CFAP73: variants seen among roughly 807,000 people sequenced by gnomAD.
The protein encoded by CFAP73 is cilia- and flagella-associated protein 73.
Under a neutral mutation model 42.9 loss-of-function variants are expected in CFAP73, and 33 were observed. The ratio of observed to expected loss-of-function variants is 0.77; its 90% confidence interval spans 0.58 to 1.03. CFAP73 has a LOEUF of 1.03. Among genes scored for constraint, CFAP73 ranks in the 50% least tolerant of loss-of-function variants. The pLI, the probability that CFAP73 is intolerant of heterozygous loss-of-function variation, is 0.00. For missense variants in CFAP73, 392 were observed against 411.9 expected (o/e 0.95, Z 0.42); for synonymous variants, 162 against 186.8 (o/e 0.87, Z 1.08).
chr12:113,152,780 C>G lies in CFAP73; in HGVS notation c.163-3C>G. 1.3e-6 allele frequency: 2 copies of G among 1,550,944 alleles called. No individual in the cohort carries two copies. The highest frequency in any genetic ancestry group is 1.7e-6 in the Non-Finnish European group (2 of 1,146,356). ...ACACAGACAACCCACTCCTCACCCC[C>G]AGGTGTTCCGCACCAAGACGGCAGC... On this transcript the variant is annotated splice_polypyrimidine_tract_variant and splice_region_variant and intron_variant, in intron 2 of 7. Coordinates refer to ENST00000335621, the MANE Select transcript of CFAP73 (RefSeq NM_001144872.3).
At chr12:113,153,073 G>A in intron 3 of CFAP73, 135 bp from the exon 4 acceptor site, 1 of 1,015,552 alleles carries the variant, frequency 9.8e-7, no homozygotes, top group African/African-American at 1.6e-5. Flanking sequence ...GGAGTTGGGT[G>A]AAGAGCCAGC....
chr12:113,157,465 A>G, intron 6 of CFAP73, 137 bp from the exon 7 acceptor site: 1 of 703,582 alleles, frequency 1.4e-6, no homozygotes, highest in Admixed American at 2.4e-5. Flanking sequence ...ACCTCTGGGA[A>G]CCACCATCAT....
chr12:113,151,843 T>A, intron 1 of CFAP73, 75 bp from the exon 2 acceptor site: 4 of 992,650 alleles, frequency 4.0e-6, no homozygotes, highest in Non-Finnish European at 4.5e-6. Flanking sequence ...AATGGGGCAC[T>A]CCAGACACAG....
intron 1 of CFAP73, among the ~76,000 whole-genome samples, chr12:113,151,067 C>T (rs1290084270): frequency 2.0e-5 from 3 of 152,020 alleles, no homozygotes; most frequent in African/African-American, 7.3e-5. Flanking sequence ...TTCTGTGGCT[C>T]CCAGAACAAT....
chr12:113,157,324 T>A (rs752853570), intron 6 of CFAP73: 1 of 476,900 alleles, frequency 2.1e-6, no homozygotes, highest in Non-Finnish European at 3.8e-6. Flanking sequence ...CTGATTGATG[T>A]AAATGAAAAT....
chr12:113,157,447 C>T (rs1952141824), intron 6 of CFAP73, 155 bp from the exon 7 acceptor site: 2 of 650,730 alleles, frequency 3.1e-6, no homozygotes. Flanking sequence ...TTTAGGATCT[C>T]AGTCACCACC....
At position 113,154,647 on chromosome 12, in the gene CFAP73, C is replaced by T. The variant is rs547786243; in HGVS notation, c.690+12C>T. The T allele has an allele frequency of 4.0e-5, 55 of 1,387,986 alleles. No homozygotes were observed. The highest frequency in any genetic ancestry group is 3.8e-4 in the African/African-American group (25 of 65,340). The allele number at this position is 1,387,986 out of a possible 1,614,324, so 86.0% of individuals were successfully genotyped here. ...GTACGCTGCAGTGGGTACGACCCGC[C>T]CTAGGTGGGGGGCGCTCCGGACCCC... On this transcript the variant is annotated intron_variant, in intron 5 of 7. Coordinates refer to ENST00000335621, the MANE Select transcript of CFAP73 (RefSeq NM_001144872.3). The surrounding 1 kb of genome is among the most constrained non-coding windows in gnomAD (Gnocchi z 4.7).
intron 6 of CFAP73, among the ~76,000 whole-genome samples, chr12:113,156,136 T>A (rs185439058): frequency 6.6e-6 from 1 of 152,086 alleles, no homozygotes; most frequent in Non-Finnish European, 1.5e-5. Flanking sequence ...GCCAGGCTGG[T>A]CTCGAAATCC....
Position 113,159,076 on chromosome 12 carries a change from G to A in CFAP73, c.*387G>A, listed in dbSNP as rs1046189400. ...CTTGAGTTCCGGGCGGACTCGGCCT[G>A]CAGGGGTGCCTGGGGCGTGGGGCCG... On this transcript the variant is annotated 3_prime_UTR_variant, in exon 8 of 8. Coordinates refer to ENST00000335621, the MANE Select transcript of CFAP73 (RefSeq NM_001144872.3). The A allele has an allele frequency of 2.5e-6, 4 of 1,607,272 alleles. No individual in the cohort carries two copies. In the African/African-American group the frequency reaches 5.3e-5, roughly 21 times the overall value.
chr12:113,154,752 G>A lies in CFAP73; in HGVS notation c.690+117G>A. The A allele has an allele frequency of 7.5e-7, 1 of 1,340,690 alleles. No individual in the cohort carries two copies. The allele number at this position is 1,340,690 out of a possible 1,614,324, so 83.0% of individuals were successfully genotyped here. A position where few individuals can be genotyped will look rare whatever the true frequency, so the allele number is the denominator to read the frequency against. On this transcript the variant is annotated intron_variant, in intron 5 of 7. Coordinates refer to ENST00000335621, the MANE Select transcript of CFAP73 (RefSeq NM_001144872.3). The surrounding 1 kb of genome is among the most constrained non-coding windows in gnomAD (Gnocchi z 4.7). ...CAATGCTTACCCCAGAGGGTCCGCT[G>A]CACTAAGGAGGGGAATCTCAGGCAT...
chr12:113,153,390 G>T lies in CFAP73; in HGVS notation c.450G>T (p.Ala150=). The T allele has an allele frequency of 3.5e-6, 5 of 1,447,272 alleles. No homozygotes were observed. The highest frequency in any genetic ancestry group is 4.5e-6 in the Non-Finnish European group (5 of 1,106,756). 89.7% of individuals were successfully genotyped at this position (1,447,272 alleles called of 1,614,324 possible). The change falls in exon 4 of 8, where the codon GCG becomes GCT. Residue 150 remains alanine, a synonymous_variant. Transcript: ENST00000335621. ...LEPCARLLEQ[A]LELLPGFQEV... is the part of the protein sequence containing the mutation. ...CCTGCGCGCGCCTGCTGGAGCAAGC[G>T]CTGGAGCTGCTGCCCGGGGTGAGTC...
At chr12:113,156,676 G>C (rs760389882) in intron 6 of CFAP73, 2 of 152,162 alleles carry the variant, frequency 1.3e-5, no homozygotes, top group Non-Finnish European at 2.9e-5. Flanking sequence ...CGATGCCACT[G>C]TTCTTCCAAG....
chr12:113,153,554 T>C, intron 4 of CFAP73, 146 bp downstream of exon 4: 1 of 662,772 alleles, frequency 1.5e-6, no homozygotes, highest in Non-Finnish European at 2.3e-6. Flanking sequence ...TATGGAGCGC[T>C]CACTGTAAGC....
chr12:113,151,758 G>A (rs573979259), intron 1 of CFAP73, among the ~76,000 whole-genome samples, 160 bp from the exon 2 acceptor site: 12 of 150,192 alleles, frequency 8.0e-5, no homozygotes, highest in Middle Eastern at 3.4e-3. Context: ...CTGCACTCCA[G>A]CCTGGGTGAC....
Position 113,154,298 on chromosome 12 carries a change from T to A in CFAP73, c.469-116T>A. ...GTCTCTAACAAATGGAGGTTGACAT[T>A]TAAGTCACTTTCCAGAAAGATTATT... is the stretch of plus-strand genomic sequence containing the variant. On this transcript the variant is annotated intron_variant, in intron 4 of 7. Transcript: ENST00000335621. This position sits in a 1 kb window ranked among gnomAD's most constrained non-coding sequence, Gnocchi z 4.7. The A allele has an allele frequency of 3.1e-6, 4 of 1,282,606 alleles. No individual in the cohort carries two copies. The highest frequency in any genetic ancestry group is 1.1e-6 in the Non-Finnish European group (1 of 925,400). The allele number at this position is 1,282,606 out of a possible 1,614,324, so 79.5% of individuals were successfully genotyped here.
At chr12:113,150,367 T>A (rs1952051116) in intron 1 of CFAP73, among the ~76,000 whole-genome samples, 1 of 152,066 alleles carries the variant, frequency 6.6e-6, no homozygotes, top group Admixed American at 6.5e-5. Flanking sequence ...TACACATTAG[T>A]CATTCTTTCT....
Position 113,153,267 on chromosome 12 carries a change from G to A in CFAP73, c.327G>A (p.Ala109=), listed in dbSNP as rs1208516794. 3 of 1,517,798 alleles carry A rather than the reference G, an allele frequency of 2.0e-6. No homozygotes were observed. Among genetic ancestry groups the A allele is most frequent in the Admixed American group, 2.1e-5 (1 of 47,486 alleles). The allele number at this position is 1,517,798 out of a possible 1,614,324, so 94.0% of individuals were successfully genotyped here. A position where few individuals can be genotyped will look rare whatever the true frequency, so the allele number is the denominator to read the frequency against. The change falls in exon 4 of 8, where the codon GCG becomes GCA. Residue 109 remains alanine, a synonymous_variant. Transcript: ENST00000335621. ...GGGCGGCGGAGGAGAGGCACCAGGC[G>A]GGCCGTCGGGAGGTGGAGGCGCTGC... ...LRRAAEERHQ[A]GRREVEALRL... is the part of the protein sequence containing the mutation.
rs1217734708 is a variant in CFAP73 at position 113,154,203 on chromosome 12, A to G, written c.469-211A>G. Among the ~76,000 whole-genome samples, 1 of 152,148 alleles carries G rather than the reference A, an allele frequency of 6.6e-6. No homozygotes were observed. The highest frequency in any genetic ancestry group is 6.5e-5 in the Admixed American group (1 of 15,286). On this transcript the variant is annotated intron_variant, in intron 4 of 7. Transcript: ENST00000335621. This position sits in a 1 kb window ranked among gnomAD's most constrained non-coding sequence, Gnocchi z 4.7. Reference sequence around the variant, plus strand: ...GGAGATGGGAGGATCGCTTGAGCCCAGGAGTTCAAGATGACAGTGAGCTAT... The same window carrying G: ...GGAGATGGGAGGATCGCTTGAGCCCGGGAGTTCAAGATGACAGTGAGCTAT...
Position 113,154,492 on chromosome 12 carries a change from G to C in CFAP73, c.547G>C (p.Glu183Gln). 7 of 1,537,750 alleles carry C rather than the reference G, an allele frequency of 4.6e-6. No individual in the cohort carries two copies. Among genetic ancestry groups the C allele is most frequent in the South Asian group, 1.2e-5 (1 of 83,466 alleles). Residue 183 changes from glutamate to glutamine, a missense_variant, in exon 5 of 8, where the codon GAG (glutamate) becomes CAG (glutamine). Glu to Gln is a conservative substitution (Grantham distance 29). Coordinates refer to ENST00000335621, the MANE Select transcript of CFAP73 (RefSeq NM_001144872.3). This position sits in a 1 kb window ranked among gnomAD's most constrained non-coding sequence, Gnocchi z 4.7. Reference protein sequence around the residue: ...TQAALRLREREQLAELEAARA... With the variant: ...TQAALRLRERQQLAELEAARA... Reference sequence around the variant, plus strand: ...GGCGGCGCTGAGGCTCAGGGAGCGCGAGCAGCTCGCGGAGCTGGAGGCGGC... The same window carrying C: ...GGCGGCGCTGAGGCTCAGGGAGCGCCAGCAGCTCGCGGAGCTGGAGGCGGC...
Sources: allele counts gnomAD v4.1 joint callset (sites outside exome capture counted in the v4.1 genomes callset), GRCh38; gene constraint gnomAD v4.1.1; non-coding constraint Gnocchi (gnomAD v3.1); transcripts MANE v1.5; gene names NCBI Gene and HGNC (gene_info 2026-07-23, HGNC 2026-07-21).